The following PCDH9 variants were observed in gnomAD, a reference collection of about 807,000 sequenced individuals.
PCDH9 encodes protocadherin-9.
In PCDH9, 24 loss-of-function variants were observed where a neutral mutation model predicts 70.6. The observed-to-expected ratio is 0.34, with a 90% confidence interval of 0.25 to 0.48. The LOEUF (loss-of-function observed/expected upper bound fraction) is 0.48. Ranked by LOEUF, PCDH9 falls within the 20% of genes least tolerant of loss-of-function variation. PCDH9 has a pLI of 0.99. For missense variants in PCDH9, 1,281 were observed against 1,503.6 expected, an observed-to-expected ratio of 0.85 and a Z score of 2.45; for synonymous variants, 562 against 558.5, an observed-to-expected ratio of 1.01 and a Z score of -0.09.
intron 3 of PCDH9, among the ~76,000 whole-genome samples, chr13:66,832,982 C>T (rs899755317): frequency 8.5e-5 from 13 of 152,140 alleles, no homozygotes; most frequent in Admixed American, 4.6e-4. Flanking sequence ...AGTGTCCCAC[C>T]TCTTCACATC....
At chr13:66,316,630 T>C (rs1435473585) in intron 4 of PCDH9, among the ~76,000 whole-genome samples, 1 of 152,240 alleles carries the variant, frequency 6.6e-6, no homozygotes, top group East Asian at 1.9e-4. Flanking sequence ...CTTCACTTCA[T>C]GTAGGTGTCC....
At chr13:66,811,143 TA>T (rs1382941094) in intron 3 of PCDH9, among the ~76,000 whole-genome samples, 1 of 152,230 alleles carries the variant, frequency 6.6e-6, no homozygotes, top group Admixed American at 6.5e-5. Flanking sequence ...TTTAATTCAG[TA>T]AAAAAATTGT....
chr13:66,903,922 G>C (rs2082317495), intron 2 of PCDH9, among the ~76,000 whole-genome samples: 1 of 151,746 alleles, frequency 6.6e-6, no homozygotes, highest in South Asian at 2.1e-4. Flanking sequence ...GGTGCTATTT[G>C]GGTGAGATAT....
chr13:66,909,872 C>T lies in PCDH9; in HGVS notation c.3037-6267G>A, dbSNP rs558145387. ...AATAAGCTTATGTTCAACTTCGGGACCCTGACACATGTTCCTACCCAGTGG... is the reference window on the plus strand; with the variant it reads ...AATAAGCTTATGTTCAACTTCGGGATCCTGACACATGTTCCTACCCAGTGG... On this transcript the variant is annotated intron_variant, in intron 2 of 4. Transcript: ENST00000377865. 7.9e-5 allele frequency among the ~76,000 whole-genome samples: 12 copies of T among 152,232 alleles called. 2 individuals carry two copies. In the South Asian group the frequency reaches 2.5e-3, roughly 32 times the overall value.
At chr13:66,737,274 G>A (rs188569644) in intron 3 of PCDH9, among the ~76,000 whole-genome samples, 5 of 152,256 alleles carry the variant, frequency 3.3e-5, no homozygotes, top group Non-Finnish European at 7.3e-5. Flanking sequence ...CATGCCATTA[G>A]CATGGTAATT....
At chr13:67,077,754 A>G (rs2085905561) in intron 2 of PCDH9, among the ~76,000 whole-genome samples, 1 of 151,986 alleles carries the variant, frequency 6.6e-6, no homozygotes, top group African/African-American at 2.4e-5. Flanking sequence ...TTTCCCTCAC[A>G]TTGCATTTCA....
Position 66,497,090 on chromosome 13 carries a change from C to T in PCDH9, c.3340+134120G>A, listed in dbSNP as rs546055274. ...TTACTTTTTCAGTTTTTTTTTTAGA[C>T]GGGTCCTTGCTCTGTTGCCCAGGCT... On this transcript the variant is annotated intron_variant, in intron 4 of 4. Coordinates refer to ENST00000377865, the MANE Select transcript of PCDH9 (RefSeq NM_203487.3). Among the ~76,000 whole-genome samples the T allele has an allele frequency of 8.6e-5, 13 of 151,190 alleles. 3 individuals are homozygous for T. Among genetic ancestry groups the T allele is most frequent in the African/African-American group, 2.9e-4 (12 of 41,036 alleles).
At chr13:66,853,500 A>G (rs187747376) in intron 3 of PCDH9, among the ~76,000 whole-genome samples, 12 of 152,134 alleles carry the variant, frequency 7.9e-5, no homozygotes, top group Admixed American at 2.0e-4. Context: ...TTCCTAATCA[A>G]TTGCACTAGG....
chr13:66,461,803 AAAAAT>A (rs1445034863), intron 4 of PCDH9, among the ~76,000 whole-genome samples: 1 of 151,904 alleles, frequency 6.6e-6, no homozygotes, highest in African/African-American at 2.4e-5. Context: ...AATCGTGAAG[AAAAAT>A]AGAATAGTAC....
intron 2 of PCDH9, among the ~76,000 whole-genome samples, chr13:66,920,036 A>G (rs1043326770): frequency 4.6e-5 from 7 of 151,022 alleles, no homozygotes; most frequent in African/African-American, 1.5e-4. Flanking sequence ...CCTGAATAAT[A>G]TGCTATCTGC....
chr13:66,403,279 A>C (rs1957221099), intron 4 of PCDH9, among the ~76,000 whole-genome samples: 1 of 151,518 alleles, frequency 6.6e-6, no homozygotes, highest in Admixed American at 6.6e-5. Context: ...AGCTGGTACT[A>C]CAGGCACCAC....
intron 4 of PCDH9, among the ~76,000 whole-genome samples, chr13:66,528,011 C>T (rs1334313057): frequency 1.3e-5 from 2 of 152,096 alleles, no homozygotes; most frequent in African/African-American, 2.4e-5. Flanking sequence ...GAGCAAGACT[C>T]GGTCTCAAAG....
intron 2 of PCDH9, among the ~76,000 whole-genome samples, chr13:67,151,579 T>TA (rs2087662988): frequency 6.6e-6 from 1 of 152,098 alleles, no homozygotes. Context: ...CCAACACTGT[T>TA]AGAGTTAGAA....
intron 4 of PCDH9, among the ~76,000 whole-genome samples, chr13:66,441,729 A>G (rs1957977416): frequency 6.6e-6 from 1 of 152,000 alleles, no homozygotes; most frequent in Admixed American, 6.6e-5. Context: ...GATTAAATTT[A>G]TTACAGCTTT....
chr13:66,755,650 A>G (rs1313433340), intron 3 of PCDH9, among the ~76,000 whole-genome samples: 2 of 152,110 alleles, frequency 1.3e-5, no homozygotes, highest in East Asian at 3.9e-4. Flanking sequence ...TGCATTTTTA[A>G]AAAGTGCACA....
At chr13:66,561,174 C>G (rs1006749601) in intron 4 of PCDH9, among the ~76,000 whole-genome samples, 1 of 152,212 alleles carries the variant, frequency 6.6e-6, no homozygotes, top group Non-Finnish European at 1.5e-5. Flanking sequence ...CGGCTGGCCC[C>G]GCCACCGGGG....
chr13:66,333,818 A>G (rs1955984777), intron 4 of PCDH9, among the ~76,000 whole-genome samples: 1 of 152,138 alleles, frequency 6.6e-6, no homozygotes, highest in Non-Finnish European at 1.5e-5. Flanking sequence ...TTAATGTTCT[A>G]TGTCAACTTG....
intron 4 of PCDH9, among the ~76,000 whole-genome samples, chr13:66,428,223 C>A (rs1957708258): frequency 6.6e-6 from 1 of 151,630 alleles, no homozygotes; most frequent in Non-Finnish European, 1.5e-5. Flanking sequence ...TCTACATAAC[C>A]AAATGCATAA....
chr13:66,754,628 C>G (rs1372456), intron 3 of PCDH9, among the ~76,000 whole-genome samples: 1,794 of 152,122 alleles, frequency 0.012, 17 homozygotes, highest in Non-Finnish European at 0.02. Flanking sequence ...CATAGAGAAA[C>G]ACAGTTGCTG....
Sources: gnomAD v4.1 joint callset for allele counts (sites outside exome capture counted in the v4.1 genomes callset) on GRCh38, gnomAD v4.1.1 for gene constraint, MANE v1.5 for transcripts, NCBI Gene and HGNC (gene_info 2026-07-23, HGNC 2026-07-21) for gene names.